The following MCC variants were observed in gnomAD, a reference collection of about 807,000 sequenced individuals.
MCC encodes the protein MCC regulator of Wnt signaling pathway.
MCC carries 90 observed loss-of-function variants against 116.2 expected under a neutral mutation model. The observed-to-expected ratio is 0.77, with a 90% confidence interval of 0.65 to 0.92. The LOEUF (loss-of-function observed/expected upper bound fraction) is 0.92, where lower values mean the gene tolerates loss of function less well. Among genes scored for constraint, MCC ranks in the 40% least tolerant of loss-of-function variants. MCC has a pLI of 0.00. For missense variants in MCC, 1,516 were observed against 1,312.2 expected, an observed-to-expected ratio of 1.16 and a Z score of -2.40; for synonymous variants, 578 against 510.5, an observed-to-expected ratio of 1.13 and a Z score of -1.78.
intron 17 of MCC, among the ~76,000 whole-genome samples, chr5:113,037,384 G>A (rs1751393603): frequency 6.6e-6 from 1 of 152,152 alleles, no homozygotes; most frequent in African/African-American, 2.4e-5. Context: ...GGGCTCTGTG[G>A]GCCACTGATG....
chr5:113,484,574 A>G (rs1389722242), intron 1 of MCC, among the ~76,000 whole-genome samples: 3 of 152,200 alleles, frequency 2.0e-5, no homozygotes, highest in Non-Finnish European at 2.9e-5. Flanking sequence ...TGTAAAGGGC[A>G]CTTTGAAAGA....
chr5:113,412,003 T>C (rs1324847452), intron 1 of MCC, among the ~76,000 whole-genome samples: 2 of 152,234 alleles, frequency 1.3e-5, no homozygotes, highest in East Asian at 3.8e-4. Flanking sequence ...TAGCCAGTTT[T>C]CCCAGCACCA....
At chr5:113,452,672 A>G (rs911313166) in intron 1 of MCC, among the ~76,000 whole-genome samples, 4 of 152,220 alleles carry the variant, frequency 2.6e-5, no homozygotes, top group African/African-American at 9.6e-5. Context: ...AAGACACTAT[A>G]TTTGCAGACA....
intron 3 of MCC, among the ~76,000 whole-genome samples, chr5:113,206,630 A>C (rs564055097): frequency 1.3e-5 from 2 of 152,188 alleles, no homozygotes; most frequent in South Asian, 4.2e-4. Context: ...AATCCCTTGA[A>C]CCTGGGAGGC....
chr5:113,126,365 C>T (rs1013950546), intron 5 of MCC, among the ~76,000 whole-genome samples: 3 of 152,134 alleles, frequency 2.0e-5, no homozygotes, highest in East Asian at 3.9e-4. Flanking sequence ...AATGGGGCTT[C>T]GAGAGGCAAC....
chr5:113,277,894 T>G (rs892565626), intron 3 of MCC, among the ~76,000 whole-genome samples: 1 of 152,176 alleles, frequency 6.6e-6, no homozygotes, highest in Non-Finnish European at 1.5e-5. Flanking sequence ...AGCCTTATTA[T>G]CCAACAGTCT....
chr5:113,145,316 C>G (rs1759431191), intron 4 of MCC, among the ~76,000 whole-genome samples: 1 of 152,138 alleles, frequency 6.6e-6, no homozygotes. Context: ...TGTCTCTGAC[C>G]TGGATCTCAT....
At chr5:113,119,557 A>T (rs3922585) in intron 6 of MCC, among the ~76,000 whole-genome samples, 1 of 152,098 alleles carries the variant, frequency 6.6e-6, no homozygotes, top group Non-Finnish European at 1.5e-5. Context: ...AGAAGCAGGG[A>T]CCGCCCTGTT....
chr5:113,084,362 A>C (rs982089100), intron 9 of MCC, among the ~76,000 whole-genome samples, 172 bp from the exon 10 acceptor site: 3 of 152,202 alleles, frequency 2.0e-5, no homozygotes, highest in African/African-American at 7.2e-5. Flanking sequence ...GGGCCTTTCA[A>C]CTTCAGCACT....
intron 3 of MCC, among the ~76,000 whole-genome samples, chr5:113,327,561 AATATATAT>A (rs869214073): frequency 9.9e-5 from 8 of 80,568 alleles, no homozygotes; most frequent in South Asian, 4.0e-4. Flanking sequence ...AAAAAAAAAA[AATATATAT>A]ATATATATAT....
At chr5:113,476,616 C>T (rs1168046861) in intron 1 of MCC, among the ~76,000 whole-genome samples, 2 of 152,148 alleles carry the variant, frequency 1.3e-5, no homozygotes, top group African/African-American at 4.8e-5. Flanking sequence ...TTATTTCTGA[C>T]CTTTGGTTAG....
At chr5:113,247,375 C>T (rs1233866407) in intron 3 of MCC, among the ~76,000 whole-genome samples, 1 of 152,106 alleles carries the variant, frequency 6.6e-6, no homozygotes, top group Non-Finnish European at 1.5e-5. Flanking sequence ...GGAATGATGG[C>T]TCATGATACA....
At chr5:113,368,586 T>A (rs942428700) in intron 2 of MCC, among the ~76,000 whole-genome samples, 2 of 152,216 alleles carry the variant, frequency 1.3e-5, no homozygotes, top group African/African-American at 4.8e-5. Flanking sequence ...CCCACTGAAT[T>A]TATCATTATG....
chr5:113,049,791 T>C (rs1752365678), intron 15 of MCC, among the ~76,000 whole-genome samples: 1 of 152,208 alleles, frequency 6.6e-6, no homozygotes, highest in Non-Finnish European at 1.5e-5. Flanking sequence ...GCACCTCTGT[T>C]GCCCTGTAGC....
intron 3 of MCC, among the ~76,000 whole-genome samples, chr5:113,286,640 C>T (rs1766274037): frequency 6.6e-6 from 1 of 152,172 alleles, no homozygotes; most frequent in Non-Finnish European, 1.5e-5. Context: ...TTTCCCAGTT[C>T]AATGGGCTTT....
chr5:113,117,514 G>T, intron 6 of MCC, among the ~76,000 whole-genome samples: 1 of 152,216 alleles, frequency 6.6e-6, no homozygotes, highest in East Asian at 1.9e-4. Flanking sequence ...TTTCAACCTT[G>T]AGGGTATAAT....
Position 113,224,964 on chromosome 5 carries a change from G to C in MCC, c.628-73542C>G, listed in dbSNP as rs537530909. 4.6e-5 allele frequency among the ~76,000 whole-genome samples: 7 copies of C among 152,332 alleles called. No individual in the cohort carries two copies. In the East Asian group the frequency reaches 7.7e-4, roughly 17 times the overall value. On this transcript the variant is annotated intron_variant, in intron 3 of 18. Transcript: ENST00000408903. ...GGTACCCAGACAGGATATAAGAAAT[G>C]TAGGAGTGGTGACCCTGTTCCTAGT... is the stretch of plus-strand genomic sequence containing the variant.
At chr5:113,423,200 T>A (rs114452781) in intron 1 of MCC, among the ~76,000 whole-genome samples, 269 of 152,298 alleles carry the variant, frequency 1.8e-3, no homozygotes, top group African/African-American at 6.1e-3. Context: ...TTTTTGTTGA[T>A]AACTTTGCTG....
At chr5:113,444,889 C>T (rs1416164195) in intron 1 of MCC, among the ~76,000 whole-genome samples, 10 of 152,134 alleles carry the variant, frequency 6.6e-5, no homozygotes. Flanking sequence ...TCATTTATTC[C>T]CACAATAACC....
Sources: allele counts gnomAD v4.1 joint callset (sites outside exome capture counted in the v4.1 genomes callset), GRCh38; gene constraint gnomAD v4.1.1; transcripts MANE v1.5; gene names NCBI Gene and HGNC (gene_info 2026-07-23, HGNC 2026-07-21).